Variants in MMRN1 observed in about 807,000 individuals in gnomAD.
MMRN1 encodes the protein multimerin 1, also known as multimerin-1.
Under a neutral mutation model 100.7 loss-of-function variants are expected in MMRN1, and 94 were observed. That is an observed-to-expected ratio of 0.93 (90% CI 0.79 to 1.11). The LOEUF (loss-of-function observed/expected upper bound fraction) is 1.11. MMRN1 is among the 50% of genes least tolerant of loss of function. The probability of loss-of-function intolerance (pLI) is 0.00; values close to 1 mark genes in which losing one functional copy is unlikely to be tolerated. For missense variants in MMRN1, 1,606 were observed against 1,439.1 expected, an observed-to-expected ratio of 1.12 and a Z score of -1.88; for synonymous variants, 575 against 505.0, an observed-to-expected ratio of 1.14 and a Z score of -1.86.
chr4:89,887,980 A>G (rs976906323), intron 1 of MMRN1, among the ~76,000 whole-genome samples: 1 of 151,992 alleles, frequency 6.6e-6, no homozygotes, highest in African/African-American at 2.4e-5. Context: ...GGTATGTTGA[A>G]CCATATGAAA....
chr4:89,929,723 G>A (rs1489398672), intron 5 of MMRN1, among the ~76,000 whole-genome samples: 2 of 152,188 alleles, frequency 1.3e-5, no homozygotes, highest in South Asian at 4.1e-4. Context: ...AATTAATTGT[G>A]TACTGAGCAC....
At chr4:89,923,811 C>T (rs1396729456) in intron 4 of MMRN1, among the ~76,000 whole-genome samples, 1 of 152,160 alleles carries the variant, frequency 6.6e-6, no homozygotes, top group African/African-American at 2.4e-5. Flanking sequence ...TAAACTTTAG[C>T]TTTTACAAAC....
At chr4:89,899,210 C>CT (rs113092285) in intron 1 of MMRN1, among the ~76,000 whole-genome samples, 5,325 of 144,252 alleles carry the variant, frequency 0.037, 121 homozygotes, top group East Asian at 0.11. Context: ...AGTTTTTCTT[C>CT]TTTTTTTTTT....
intron 6 of MMRN1, among the ~76,000 whole-genome samples, chr4:89,937,379 G>A (rs1305093117): frequency 6.6e-6 from 1 of 152,084 alleles, no homozygotes; most frequent in Non-Finnish European, 1.5e-5. Context: ...GCTAGCAATA[G>A]TGTGTAGTGT....
intron 6 of MMRN1, among the ~76,000 whole-genome samples, chr4:89,938,508 TATATTTAAA>T: frequency 1.2e-5 from 1 of 82,406 alleles, no homozygotes; most frequent in African/African-American, 5.3e-5. Flanking sequence ...TATATATATA[TATATTTAAA>T]ATATATATAT....
intron 4 of MMRN1, 115 bp from the exon 5 acceptor site, chr4:89,927,680 T>C (rs1307151265): frequency 2.5e-5 from 22 of 871,554 alleles, no homozygotes; most frequent in Non-Finnish European, 3.7e-5. Context: ...GTGAGCATCT[T>C]TGTTGTGCTC....
At chr4:89,897,044 A>G (rs554177050) in intron 1 of MMRN1, among the ~76,000 whole-genome samples, 10 of 152,272 alleles carry the variant, frequency 6.6e-5, no homozygotes, top group African/African-American at 2.4e-4. Context: ...CTATTAAATA[A>G]TCAGAAATGT....
Position 89,895,273 on chromosome 4 carries a change from C to T in MMRN1, c.302C>T (p.Thr101Ile), listed in dbSNP as rs1213915170. 2 of 1,613,784 alleles carry T rather than the reference C, an allele frequency of 1.2e-6. No homozygotes were observed. Among genetic ancestry groups the T allele is most frequent in the African/African-American group, 1.3e-5 (1 of 74,904 alleles). Reference protein sequence around the residue: ...PAEGVRNQTLTSTEKAEGVVK... With the variant: ...PAEGVRNQTLISTEKAEGVVK... Reference sequence around the variant, plus strand: ...GAGGGTGTGAGAAATCAAACTCTCACATCCACAGAGAAAGCAGAAGGAGTG... The same window carrying T: ...GAGGGTGTGAGAAATCAAACTCTCATATCCACAGAGAAAGCAGAAGGAGTG... Residue 101 changes from threonine to isoleucine, a missense_variant, in exon 1 of 8, where the codon ACA becomes ATA. Transcript: ENST00000264790.
rs1241859070 is a variant in MMRN1 at position 89,911,973 on chromosome 4, G to C, written c.773G>C (p.Arg258Thr). Reference sequence around the variant, plus strand: ...CAGAAGATATCCAATCCTGTCTATAGGATGCAACATAAAATTGTCACCTCA... The same window carrying C: ...CAGAAGATATCCAATCCTGTCTATACGATGCAACATAAAATTGTCACCTCA... Reference protein sequence around the residue: ...RSQKISNPVYRMQHKIVTSLD... With the variant: ...RSQKISNPVYTMQHKIVTSLD... The change falls in exon 3 of 8, where the codon AGG becomes ACG. Residue 258 changes from arginine to threonine, a missense_variant. Physicochemically the swap from Arg to Thr is moderately conservative, Grantham distance 71. Coordinates refer to ENST00000264790, the MANE Select transcript of MMRN1 (RefSeq NM_007351.3). The C allele has an allele frequency of 6.2e-7, 1 of 1,603,352 alleles. No individual in the cohort carries two copies. Among genetic ancestry groups the C allele is most frequent in the East Asian group, 2.2e-5 (1 of 44,522 alleles).
At chr4:89,891,516 A>G (rs1355618340), upstream of MMRN1, among the ~76,000 whole-genome samples, 1 of 152,146 alleles carries the variant, frequency 6.6e-6, no homozygotes, top group African/African-American at 2.4e-5. Flanking sequence ...ACAAGAATAG[A>G]ATACTTACCT....
chr4:89,880,325 C>G (rs1260931482), intron 1 of MMRN1, among the ~76,000 whole-genome samples: 1 of 152,064 alleles, frequency 6.6e-6, no homozygotes. Flanking sequence ...CACTATGTCA[C>G]AAGAGTTTTA....
upstream of MMRN1, among the ~76,000 whole-genome samples, chr4:89,894,301 AG>A (rs1322444787): frequency 2.0e-5 from 3 of 152,168 alleles, no homozygotes; most frequent in African/African-American, 7.2e-5. Context: ...ATAATCATTG[AG>A]ATTAAGTAAT....
intron 6 of MMRN1, among the ~76,000 whole-genome samples, chr4:89,949,795 C>T (rs538364572): frequency 7.9e-5 from 12 of 152,032 alleles, no homozygotes; most frequent in Non-Finnish European, 1.3e-4. Context: ...TACAGGCATG[C>T]CGTTTGTTCA....
intron 5 of MMRN1, among the ~76,000 whole-genome samples, chr4:89,929,319 A>G (rs1722364096): frequency 6.6e-6 from 1 of 152,172 alleles, no homozygotes; most frequent in Non-Finnish European, 1.5e-5. Flanking sequence ...TTAATATATC[A>G]TCTACCAGTA....
rs528198060 is a variant in MMRN1, at chr4:89,949,584, G to A, written c.3119-2021G>A. 1.3e-3 allele frequency among the ~76,000 whole-genome samples: 201 copies of A among 152,318 alleles called. 1 individual carries two copies. Among genetic ancestry groups the A allele is most frequent in the African/African-American group, 4.5e-3 (187 of 41,568 alleles). On this transcript the variant is annotated intron_variant, in intron 6 of 7. Coordinates refer to ENST00000264790, the MANE Select transcript of MMRN1 (RefSeq NM_007351.3). The stretch of plus-strand genomic sequence containing the variant: ...AAGGGATTTGATAATCTATTCACAT[G>A]CAGCAAAGTGAGGTTAAAGGAATGT...
intron 1 of MMRN1, among the ~76,000 whole-genome samples, chr4:89,889,436 C>G (rs964962040): frequency 1.3e-5 from 2 of 152,126 alleles, no homozygotes; most frequent in Admixed American, 1.3e-4. Flanking sequence ...TATCCACTGC[C>G]TTATCAAAGG....
upstream of MMRN1, among the ~76,000 whole-genome samples, chr4:89,889,875 A>C (rs900164894): frequency 6.6e-6 from 1 of 151,976 alleles, no homozygotes; most frequent in African/African-American, 2.4e-5. Context: ...GTACATTCTC[A>C]TTTCTTTCCA....
chr4:89,886,789 T>A (rs1720946274), intron 1 of MMRN1, among the ~76,000 whole-genome samples: 2 of 152,124 alleles, frequency 1.3e-5, no homozygotes, highest in South Asian at 2.1e-4. Flanking sequence ...ACATACAATG[T>A]TTAATTATCA....
rs1722586930 is a variant in MMRN1, at chr4:89,935,460, G to A, written c.1780G>A (p.Asp594Asn). 1 of 1,613,424 alleles carries A rather than the reference G, an allele frequency of 6.2e-7. No individual in the cohort carries two copies. Among genetic ancestry groups the A allele is most frequent in the Admixed American group, 1.7e-5 (1 of 59,938 alleles). ...EKESLRGECE[D>N]MLSKCRNDFK... ...AGAGTCTCTCAGAGGTGAATGTGAAGACATGTTATCCAAATGCAGAAATGA... is the reference window on the plus strand; with the variant it reads ...AGAGTCTCTCAGAGGTGAATGTGAAAACATGTTATCCAAATGCAGAAATGA... Residue 594 changes from aspartate to asparagine, a missense_variant, in exon 6 of 8, where the codon GAC (aspartate) becomes AAC (asparagine). Asp to Asn is a conservative substitution (Grantham distance 23, BLOSUM62 1). Transcript: ENST00000264790.
Sources: gnomAD v4.1 joint callset for allele counts (sites outside exome capture counted in the v4.1 genomes callset) on GRCh38, gnomAD v4.1.1 for gene constraint, MANE v1.5 for transcripts, NCBI Gene and HGNC (gene_info 2026-07-23, HGNC 2026-07-21) for gene names.